The following CATSPERE variants were observed in gnomAD, a reference collection of about 807,000 sequenced individuals.
The protein encoded by CATSPERE is cation channel sperm-associated auxiliary subunit epsilon.
CATSPERE carries 93 observed loss-of-function variants against 114.1 expected under a neutral mutation model. That is an observed-to-expected ratio of 0.81 (90% confidence interval 0.69 to 0.97). CATSPERE has a LOEUF of 0.97. Ranked by LOEUF, CATSPERE falls within the 50% of genes least tolerant of loss-of-function variation. The pLI, the probability that CATSPERE is intolerant of heterozygous loss-of-function variation, is 0.00. For missense variants in CATSPERE, 1,058 were observed against 1,131.6 expected (o/e 0.93, Z 0.93); for synonymous variants, 341 against 384.1 (o/e 0.89, Z 1.31).
chr1:244,490,977 A>G (rs1382013198), intron 6 of CATSPERE, among the ~76,000 whole-genome samples: 1 of 152,194 alleles, frequency 6.6e-6, no homozygotes, highest in African/African-American at 2.4e-5. Context: ...GCCTTGTAGG[A>G]TTCTTAATAA....
rs148921121 is a variant in CATSPERE at position 244,640,068 on chromosome 1, G to A, written c.2843G>A (p.Arg948His). The change falls in exon 22 of 22, where the codon CGT becomes CAT. Residue 948 changes from arginine to histidine, a missense_variant. Transcript: ENST00000366534. ...YEPLHKPQRK[R>H]KKN ...CCACTTCACAAACCTCAAAGAAAAC[G>A]TAAGAAGAATTAGGAAAACTGAAAG... 913 of 1,548,230 alleles carry A rather than the reference G, an allele frequency of 5.9e-4. 1 individual carries two copies. Among genetic ancestry groups the A allele is most frequent in the Non-Finnish European group, 7.3e-4 (831 of 1,145,230 alleles).
At chr1:244,471,290 G>A (rs181007794) in intron 2 of CATSPERE, among the ~76,000 whole-genome samples, 29 of 152,138 alleles carry the variant, frequency 1.9e-4, no homozygotes, top group Non-Finnish European at 2.9e-4. Context: ...TCATATAAAT[G>A]TCATTTTCTG....
intron 17 of CATSPERE, among the ~76,000 whole-genome samples, chr1:244,596,227 T>C (rs1041804606): frequency 3.9e-5 from 6 of 152,312 alleles, no homozygotes; most frequent in Admixed American, 1.3e-4. Context: ...AGTTTTCATA[T>C]ATGGTTCCAG....
At chr1:244,516,758 G>A (rs1676708520) in intron 7 of CATSPERE, among the ~76,000 whole-genome samples, 1 of 152,046 alleles carries the variant, frequency 6.6e-6, no homozygotes, top group Non-Finnish European at 1.5e-5. Context: ...TTGACTTCAG[G>A]TGATCCACCT....
intron 19 of CATSPERE, among the ~76,000 whole-genome samples, chr1:244,610,957 C>T (rs1190514160): frequency 1.3e-5 from 2 of 152,114 alleles, no homozygotes; most frequent in Non-Finnish European, 1.5e-5. Flanking sequence ...GACGGCATTT[C>T]ACCATGTTGG....
At chr1:244,524,577 A>G (rs1453635811) in intron 8 of CATSPERE, among the ~76,000 whole-genome samples, 7 of 152,144 alleles carry the variant, frequency 4.6e-5, no homozygotes, top group South Asian at 4.2e-4. Context: ...GAAAATTTTC[A>G]CAACCTACTC....
intron 8 of CATSPERE, among the ~76,000 whole-genome samples, chr1:244,532,170 T>G (rs540549850): frequency 9.9e-5 from 15 of 152,258 alleles, no homozygotes; most frequent in African/African-American, 3.4e-4. Context: ...ATTGGTAGTC[T>G]TCTTTTTCAT....
chr1:244,471,208 T>C (rs770674155), intron 2 of CATSPERE, among the ~76,000 whole-genome samples: 30 of 152,204 alleles, frequency 2.0e-4, no homozygotes, highest in Admixed American at 4.6e-4. Context: ...TAATACTAAT[T>C]AGCACACCTA....
chr1:244,518,853 A>G (rs182074792), intron 8 of CATSPERE, among the ~76,000 whole-genome samples, 155 bp downstream of exon 8: 123 of 152,292 alleles, frequency 8.1e-4, no homozygotes, highest in Non-Finnish European at 1.4e-3. Context: ...ACTAATTACT[A>G]ACTTAGAAAA....
At chr1:244,464,101 A>G (rs1572210795) in intron 2 of CATSPERE, 145 bp downstream of exon 2, 4 of 645,850 alleles carry the variant, frequency 6.2e-6, no homozygotes, top group Non-Finnish European at 8.2e-6. Flanking sequence ...ACCCTAACAT[A>G]GGTCCCCTCC....
chr1:244,570,893 G>T (rs746653666), intron 10 of CATSPERE, among the ~76,000 whole-genome samples: 2 of 152,178 alleles, frequency 1.3e-5, no homozygotes, highest in Admixed American at 6.5e-5. Context: ...AGGTAGGAAA[G>T]AACATGGCAA....
At chr1:244,571,852 C>G (rs933281038) in intron 10 of CATSPERE, among the ~76,000 whole-genome samples, 3 of 152,056 alleles carry the variant, frequency 2.0e-5, no homozygotes, top group Non-Finnish European at 2.9e-5. Context: ...GTGTCTCTTC[C>G]TTTTCTTATA....
Position 244,575,659 on chromosome 1 carries a change from T to C in CATSPERE, c.1950+2887T>C, listed in dbSNP as rs1440187602. ...GCTTGCTGCTGTTGCTCTCTTTCTCTCTAACTTCCTCTCCTAGTTTCTCTT... is the reference window on the plus strand; with the variant it reads ...GCTTGCTGCTGTTGCTCTCTTTCTCCCTAACTTCCTCTCCTAGTTTCTCTT... On this transcript the variant is annotated intron_variant, in intron 11 of 21. Coordinates refer to ENST00000366534, the MANE Select transcript of CATSPERE (RefSeq NM_001130957.2). This position sits in a 1 kb window ranked among gnomAD's most constrained non-coding sequence, Gnocchi z 4.5. Among the ~76,000 whole-genome samples the C allele has an allele frequency of 1.3e-5, 2 of 152,054 alleles. No homozygotes were observed. Among genetic ancestry groups the C allele is most frequent in the Non-Finnish European group, 2.9e-5 (2 of 67,988 alleles).
chr1:244,466,882 A>G (rs1667681490), intron 2 of CATSPERE, among the ~76,000 whole-genome samples: 1 of 152,152 alleles, frequency 6.6e-6, no homozygotes, highest in Admixed American at 6.5e-5. Flanking sequence ...CCTATCTTTG[A>G]AGCCTGGACT....
chr1:244,549,227 T>C (rs1177117460), intron 8 of CATSPERE, among the ~76,000 whole-genome samples: 1 of 152,198 alleles, frequency 6.6e-6, no homozygotes, highest in African/African-American at 2.4e-5. Context: ...GAATGGAGAT[T>C]TGAGTTATCC....
chr1:244,524,274 T>C (rs1678135679), intron 8 of CATSPERE, among the ~76,000 whole-genome samples: 1 of 150,022 alleles, frequency 6.7e-6, no homozygotes, highest in African/African-American at 2.5e-5. Context: ...CTGGGAAAAC[T>C]GGCTAGCCAT....
At chr1:244,469,241 A>C (rs1668076763) in intron 2 of CATSPERE, among the ~76,000 whole-genome samples, 1 of 152,194 alleles carries the variant, frequency 6.6e-6, no homozygotes, top group Non-Finnish European at 1.5e-5. Context: ...TATACATAAA[A>C]TATATAAATT....
Position 244,518,670 on chromosome 1 carries a change from TA to T in CATSPERE, c.509del (p.Tyr170PhefsTer7). ...ACATACAGTTCTGAAGAGAAAAGTT[TA>T]TTCTTCAAATGAGAAAATGAGAAGG... ...VIHTVLKRKV[Y>X]SSNEKMRRGT... On this transcript the variant is annotated frameshift_variant, in exon 8 of 22. Coordinates refer to ENST00000366534, the MANE Select transcript of CATSPERE (RefSeq NM_001130957.2). LOFTEE classifies it high-confidence loss of function. 1 of 1,569,096 alleles carries T rather than the reference TA, an allele frequency of 6.4e-7. No individual in the cohort carries two copies. Among genetic ancestry groups the T allele is most frequent in the Non-Finnish European group, 8.7e-7 (1 of 1,155,492 alleles).
At chr1:244,489,678 C>G (rs549256532) in intron 5 of CATSPERE, among the ~76,000 whole-genome samples, 2 of 152,034 alleles carry the variant, frequency 1.3e-5, no homozygotes, top group South Asian at 2.1e-4. Flanking sequence ...AATGAACCCT[C>G]TGGAGGCCTT....
Sources: allele counts gnomAD v4.1 joint callset (sites outside exome capture counted in the v4.1 genomes callset), GRCh38; gene constraint gnomAD v4.1.1; non-coding constraint Gnocchi (gnomAD v3.1); transcripts MANE v1.5; gene names NCBI Gene and HGNC (gene_info 2026-07-23, HGNC 2026-07-21).